The following SCRN1 variants were observed in gnomAD, a reference collection of about 807,000 sequenced individuals.
SCRN1 encodes secernin 1.
SCRN1 carries 19 observed loss-of-function variants against 43.3 expected under a neutral mutation model. The ratio of observed to expected loss-of-function variants is 0.44; its 90% CI spans 0.31 to 0.64. The LOEUF (loss-of-function observed/expected upper bound fraction) is 0.64, where lower values mean the gene tolerates loss of function less well. SCRN1 is among the 30% of genes least tolerant of loss of function. The pLI is 0.09. For synonymous variants in SCRN1, 183 were observed against 188.9 expected, an observed-to-expected ratio of 0.97 and a Z score of 0.26; for missense variants, 447 against 524.1, an observed-to-expected ratio of 0.85 and a Z score of 1.44.
intron 1 of SCRN1, among the ~76,000 whole-genome samples, chr7:29,985,882 T>A (rs570130753): frequency 1.3e-5 from 2 of 152,352 alleles, no homozygotes; most frequent in Non-Finnish European, 2.9e-5. Context: ...ACATACCCAG[T>A]TCTACAAACA....
chr7:29,933,742 A>AGG (rs1562803169), intron 6 of SCRN1, among the ~76,000 whole-genome samples: 4 of 152,028 alleles, frequency 2.6e-5, no homozygotes, highest in African/African-American at 9.7e-5. Context: ...GGGAGGGAGT[A>AGG]GAAAAGAGGA....
At chr7:29,962,689 C>CATAAAATAAAATAAAATAAA (rs201543011) in intron 2 of SCRN1, among the ~76,000 whole-genome samples, 9 of 151,240 alleles carry the variant, frequency 6.0e-5, no homozygotes, top group African/African-American at 2.2e-4. Context: ...CTGTCTCAAA[C>CATAAAATAAAATAAAATAAA]ATAAAATAAA....
chr7:29,959,289 TGGGAG>T (rs1212490522), intron 2 of SCRN1, among the ~76,000 whole-genome samples: 2 of 152,198 alleles, frequency 1.3e-5, no homozygotes, highest in Admixed American at 6.5e-5. Flanking sequence ...CTTCTTACGG[TGGGAG>T]AAGATGGCAA....
chr7:29,953,732 G>T (rs760141232), intron 3 of SCRN1, among the ~76,000 whole-genome samples: 3 of 152,086 alleles, frequency 2.0e-5, no homozygotes, highest in East Asian at 3.9e-4. Context: ...CTACCAAAAG[G>T]GTGTCCCTCG....
At position 29,965,226 on chromosome 7, in the gene SCRN1, T is replaced by C. The variant is rs1394853162; in HGVS notation, c.159+3683A>G. Among the ~76,000 whole-genome samples, 1 of 152,172 alleles carries C rather than the reference T, an allele frequency of 6.6e-6. No homozygotes were observed. The highest frequency in any genetic ancestry group is 1.5e-5 in the Non-Finnish European group (1 of 68,016). ...AGTTCTGAATGGCATACAAATCAGC[T>C]TGGACTCTCATCCTGTAAACAAAAC... On this transcript the variant is annotated intron_variant, in intron 2 of 7. Coordinates refer to ENST00000242059, the MANE Select transcript of SCRN1 (RefSeq NM_014766.5). This position sits in a 1 kb window ranked among gnomAD's most constrained non-coding sequence, Gnocchi z 4.2.
At chr7:29,932,437 G>A (rs1353573724) in intron 6 of SCRN1, among the ~76,000 whole-genome samples, 1 of 152,080 alleles carries the variant, frequency 6.6e-6, no homozygotes. Flanking sequence ...CAGATCACCT[G>A]AGGTCAGGAC....
chr7:29,948,983 C>T (rs533156040), intron 3 of SCRN1, among the ~76,000 whole-genome samples: 14 of 152,288 alleles, frequency 9.2e-5, no homozygotes, highest in African/African-American at 3.4e-4. Context: ...CATGTTGAGG[C>T]CCAGAGGCAT....
intron 2 of SCRN1, among the ~76,000 whole-genome samples, chr7:29,960,169 C>T (rs900789168): frequency 1.3e-5 from 2 of 151,898 alleles, no homozygotes; most frequent in Non-Finnish European, 2.9e-5. Flanking sequence ...ATACACACAC[C>T]CCACACATCA....
At chr7:29,926,396 G>C in intron 7 of SCRN1, 56 bp downstream of exon 7, 5 of 1,574,830 alleles carry the variant, frequency 3.2e-6, no homozygotes, top group Middle Eastern at 2.3e-4. Flanking sequence ...CTCCTTCCTC[G>C]CTGACCTCGC....
At chr7:29,979,326 G>A (rs1220082350) in intron 1 of SCRN1, among the ~76,000 whole-genome samples, 1 of 152,072 alleles carries the variant, frequency 6.6e-6, no homozygotes, top group African/African-American at 2.4e-5. Context: ...TCACGCCACT[G>A]CACTCCAGCC....
At chr7:29,955,440 C>A (rs1788104735) in intron 2 of SCRN1, 80 bp from the exon 3 acceptor site, 1 of 1,355,926 alleles carries the variant, frequency 7.4e-7, no homozygotes, top group Non-Finnish European at 1.0e-6. Flanking sequence ...TATACTGAAC[C>A]ATCATATTAG....
At chr7:29,966,094 G>C (rs749093206) in intron 2 of SCRN1, among the ~76,000 whole-genome samples, 8 of 150,164 alleles carry the variant, frequency 5.3e-5, no homozygotes, top group Non-Finnish European at 1.2e-4. Context: ...AGAGGAACGA[G>C]AGAGAGAGAG....
intron 3 of SCRN1, among the ~76,000 whole-genome samples, chr7:29,946,863 T>G (rs917634163): frequency 2.6e-5 from 4 of 152,234 alleles, no homozygotes; most frequent in Admixed American, 6.5e-5. Context: ...CCTCTGCAAC[T>G]GAGAAATGCA....
chr7:29,959,022 CTTCA>C (rs1321540550), intron 2 of SCRN1, among the ~76,000 whole-genome samples: 1 of 152,174 alleles, frequency 6.6e-6, no homozygotes, highest in Non-Finnish European at 1.5e-5. Context: ...AGAGCAAGCC[CTTCA>C]TTATTTTGTG....
At chr7:29,964,488 A>G (rs1583684744) in intron 2 of SCRN1, among the ~76,000 whole-genome samples, 1 of 125,686 alleles carries the variant, frequency 8.0e-6, no homozygotes, top group East Asian at 2.7e-4. Context: ...CAATAGGATC[A>G]GTGATTTCTG....
In SCRN1 at chr7:29,923,789, A is replaced by T. The variant is rs1786848461; in HGVS notation, c.*168T>A. On this transcript the variant is annotated 3_prime_UTR_variant, in exon 8 of 8. Coordinates refer to ENST00000242059, the MANE Select transcript of SCRN1 (RefSeq NM_014766.5). ...AAGGAGACCTACATTGCAGAAGGGG[A>T]CGCTGTGAGATTCAAGGTGGAACAC... is the stretch of plus-strand genomic sequence containing the variant. The T allele has an allele frequency of 7.0e-6, 5 of 715,116 alleles. No homozygotes were observed. Among genetic ancestry groups the T allele is most frequent in the Non-Finnish European group, 1.2e-5 (5 of 423,064 alleles). 44.3% of individuals were successfully genotyped at this position (715,116 alleles called of 1,614,324 possible).
At chr7:29,943,255 C>A (rs1452911586) in intron 4 of SCRN1, among the ~76,000 whole-genome samples, 2 of 152,174 alleles carry the variant, frequency 1.3e-5, no homozygotes, top group Non-Finnish European at 2.9e-5. Flanking sequence ...CCTCTTAGGA[C>A]TACTTAGTTC....
chr7:29,932,465 C>A (rs1212288300), intron 6 of SCRN1, among the ~76,000 whole-genome samples: 1 of 151,572 alleles, frequency 6.6e-6, no homozygotes, highest in Non-Finnish European at 1.5e-5. Context: ...CCAGCCTGGC[C>A]AACATGGTGA....
At chr7:29,964,130 T>A (rs1788414752) in intron 2 of SCRN1, among the ~76,000 whole-genome samples, 1 of 152,230 alleles carries the variant, frequency 6.6e-6, no homozygotes, top group African/African-American at 2.4e-5. Context: ...AATATATGAT[T>A]ACCTATTCAA....
Sources: allele counts gnomAD v4.1 joint callset (sites outside exome capture counted in the v4.1 genomes callset), GRCh38; gene constraint gnomAD v4.1.1; non-coding constraint Gnocchi (gnomAD v3.1); transcripts MANE v1.5; gene names NCBI Gene and HGNC (gene_info 2026-07-23, HGNC 2026-07-21).